Variants in KCNQ1 observed in about 807,000 individuals in gnomAD.
The protein encoded by KCNQ1 is potassium voltage-gated channel subfamily KQT member 1.
A neutral mutation model predicts 72.4 loss-of-function variants in KCNQ1; 49 were observed. That is an observed-to-expected ratio of 0.68 (90% CI 0.54 to 0.86). KCNQ1 has a LOEUF of 0.86. Ranked by LOEUF, KCNQ1 falls within the 40% of genes least tolerant of loss-of-function variation. The probability of loss-of-function intolerance (pLI) is 0.00; values close to 1 mark genes in which losing one functional copy is unlikely to be tolerated. For missense variants in KCNQ1, 790 were observed against 945.1 expected, an observed-to-expected ratio of 0.84 and a Z score of 2.15; for synonymous variants, 450 against 412.6, an observed-to-expected ratio of 1.09 and a Z score of -1.10.
At chr11:2,512,205 G>A (rs1363511327) in intron 1 of KCNQ1, among the ~76,000 whole-genome samples, 1 of 152,218 alleles carries the variant, frequency 6.6e-6, no homozygotes, top group Non-Finnish European at 1.5e-5. Context: ...CCCAGCCGGT[G>A]ACAATGAGAA....
rs1047102307 is a variant in KCNQ1 at position 2,645,595 on chromosome 11, G to A, written c.1394-16366G>A. ...CAGGCAGTTGGGCAATGCATGCTTC[G>A]GCCCCAGGTGGTGACTATGGGCAGG... is the stretch of plus-strand genomic sequence containing the variant. On this transcript the variant is annotated intron_variant, in intron 10 of 15. Transcript: ENST00000155840. The surrounding 1 kb of genome is among the most constrained non-coding windows in gnomAD (Gnocchi z 5.8). 1.4e-4 allele frequency: 56 copies of A among 398,674 alleles called. No individual in the cohort carries two copies. Among genetic ancestry groups the A allele is most frequent in the African/African-American group, 1.0e-3 (50 of 48,732 alleles). The allele number at this position is 398,674 out of a possible 1,614,324, so 24.7% of individuals were successfully genotyped here. A position where few individuals can be genotyped will look rare whatever the true frequency, so the allele number is the denominator to read the frequency against.
chr11:2,657,619 C>T lies in KCNQ1; in HGVS notation c.1394-4342C>T, dbSNP rs1395043918. 4 of 398,462 alleles carry T rather than the reference C, an allele frequency of 1.0e-5. No individual in the cohort carries two copies. The highest frequency in any genetic ancestry group is 1.8e-5 in the Non-Finnish European group (4 of 226,056). The allele number at this position is 398,462 out of a possible 1,614,324, so 24.7% of individuals were successfully genotyped here. A position where few individuals can be genotyped will look rare whatever the true frequency, so the allele number is the denominator to read the frequency against. ...CAAAACTAAAAAATTAACATTGGTA[C>T]ACTATTAAGCTAGAGTTATAAATTT... On this transcript the variant is annotated intron_variant, in intron 10 of 15. Coordinates refer to ENST00000155840, the MANE Select transcript of KCNQ1 (RefSeq NM_000218.3). This position sits in a 1 kb window ranked among gnomAD's most constrained non-coding sequence, Gnocchi z 4.8.
At chr11:2,689,748 T>C in intron 11 of KCNQ1, 1 of 398,658 alleles carries the variant, frequency 2.5e-6, no homozygotes, top group East Asian at 3.6e-5. Flanking sequence ...CTCATTTGTT[T>C]ACAGGAGACT....
intron 11 of KCNQ1, among the ~76,000 whole-genome samples, chr11:2,709,147 G>T (rs1446280443): frequency 1.3e-5 from 2 of 152,096 alleles, no homozygotes; most frequent in South Asian, 2.1e-4. Context: ...GTGGCACGGG[G>T]TCTGTTTAGC....
chr11:2,654,611 T>A lies in KCNQ1; in HGVS notation c.1394-7350T>A. ...GCAGGGGGTGAGTGGTTGGGTGAAG[T>A]TACTAGGAAGGGCCCAGACACTGGC... On this transcript the variant is annotated intron_variant, in intron 10 of 15. Coordinates refer to ENST00000155840, the MANE Select transcript of KCNQ1 (RefSeq NM_000218.3). The surrounding 1 kb of genome is among the most constrained non-coding windows in gnomAD (Gnocchi z 6.4). The A allele has an allele frequency of 2.5e-6, 1 of 398,572 alleles. No individual in the cohort carries two copies. The highest frequency in any genetic ancestry group is 4.4e-6 in the Non-Finnish European group (1 of 226,190). The allele number at this position is 398,572 out of a possible 1,614,324, so 24.7% of individuals were successfully genotyped here.
chr11:2,696,180 C>G (rs1850672965), intron 11 of KCNQ1: 2 of 398,420 alleles, frequency 5.0e-6, no homozygotes, highest in African/African-American at 2.1e-5. Context: ...GTTTAAGAAC[C>G]CCACGGCCAC....
chr11:2,662,136 A>G, intron 11 of KCNQ1, 55 bp downstream of exon 11: 1 of 1,611,110 alleles, frequency 6.2e-7, no homozygotes, highest in Non-Finnish European at 8.5e-7. Flanking sequence ...GAGCTCAAGG[A>G]GTCAGACTTG....
chr11:2,673,716 C>T lies in KCNQ1; in HGVS notation c.1514+11635C>T, dbSNP rs1236074952. The T allele has an allele frequency of 2.5e-6, 1 of 398,574 alleles. No individual in the cohort carries two copies. The allele number at this position is 398,574 out of a possible 1,614,324, so 24.7% of individuals were successfully genotyped here. A position where few individuals can be genotyped will look rare whatever the true frequency, so the allele number is the denominator to read the frequency against. Reference sequence around the variant, plus strand: ...TTCCTGAGGTTGCTGAATCTCAGGGCTTGGAAGGCCCAGACTGGACAGGGG... The same window carrying T: ...TTCCTGAGGTTGCTGAATCTCAGGGTTTGGAAGGCCCAGACTGGACAGGGG... On this transcript the variant is annotated intron_variant, in intron 11 of 15. Transcript: ENST00000155840. This position sits in a 1 kb window ranked among gnomAD's most constrained non-coding sequence, Gnocchi z 4.5.
intron 11 of KCNQ1, chr11:2,680,011 A>T: frequency 2.5e-6 from 1 of 396,692 alleles, no homozygotes; most frequent in Non-Finnish European, 4.4e-6. Flanking sequence ...CTCCTGCCTT[A>T]GCCTCCCTAG....
chr11:2,845,297 C>T (rs1007791075), intron 15 of KCNQ1, among the ~76,000 whole-genome samples: 2 of 152,116 alleles, frequency 1.3e-5, no homozygotes, highest in Non-Finnish European at 2.9e-5. Context: ...CGAGATGGAG[C>T]CTTGGGGTGG....
rs1220466342 is a variant in KCNQ1, at chr11:2,827,649, C to T, written c.1795-20118C>T. 2.8e-3 allele frequency among the ~76,000 whole-genome samples: 38 copies of T among 13,604 alleles called. No homozygotes were observed. The highest frequency in any genetic ancestry group is 5.3e-3 in the South Asian group (2 of 374). 8.9% of individuals were successfully genotyped at this position (13,604 alleles called of 152,430 possible). A position where few individuals can be genotyped will look rare whatever the true frequency, so the allele number is the denominator to read the frequency against. On this transcript the variant is annotated intron_variant, in intron 15 of 15. Coordinates refer to ENST00000155840, the MANE Select transcript of KCNQ1 (RefSeq NM_000218.3). This position sits in a 1 kb window ranked among gnomAD's most constrained non-coding sequence, Gnocchi z 6.7. ...AAAAAAAAAAGTGGGGTCGGGGGGG[C>T]GGGGGAGAGCGGCTATGGAGACAAG...
In KCNQ1 at chr11:2,657,350, A is replaced by T; in HGVS notation, c.1394-4611A>T. ...GTCTTCTAGTCATTGGAATGAAGGC[A>T]TATTTCTCCATTTATATCTTCTTCA... On this transcript the variant is annotated intron_variant, in intron 10 of 15. Transcript: ENST00000155840. The surrounding 1 kb of genome is among the most constrained non-coding windows in gnomAD (Gnocchi z 4.8). The T allele has an allele frequency of 2.5e-6, 1 of 398,618 alleles. No homozygotes were observed. The highest frequency in any genetic ancestry group is 4.4e-6 in the Non-Finnish European group (1 of 226,070). The allele number at this position is 398,618 out of a possible 1,614,324, so 24.7% of individuals were successfully genotyped here.
chr11:2,599,923 G>A lies in KCNQ1; in HGVS notation c.1393+11069G>A, dbSNP rs2133775178. On this transcript the variant is annotated intron_variant, in intron 10 of 15. Transcript: ENST00000155840. The surrounding 1 kb of genome is among the most constrained non-coding windows in gnomAD (Gnocchi z 4.7). ...GACCAGGGCTTCAACTGCAAACCTT[G>A]TGGGACACAATTCAGCCCGTGACAC... 6.6e-6 allele frequency among the ~76,000 whole-genome samples: 1 copy of A among 152,368 alleles called. No homozygotes were observed. The highest frequency in any genetic ancestry group is 6.5e-5 in the Admixed American group (1 of 15,306).
intron 10 of KCNQ1, chr11:2,625,635 G>A: frequency 5.1e-6 from 2 of 394,202 alleles, no homozygotes; most frequent in Non-Finnish European, 8.9e-6. Context: ...GAGTGCAGTG[G>A]TGCCATCTCG....
chr11:2,695,789 T>C lies in KCNQ1; in HGVS notation c.1514+33708T>C. The C allele has an allele frequency of 2.5e-6, 1 of 398,652 alleles. No individual in the cohort carries two copies. The highest frequency in any genetic ancestry group is 4.4e-6 in the Non-Finnish European group (1 of 226,068). The allele number at this position is 398,652 out of a possible 1,614,324, so 24.7% of individuals were successfully genotyped here. On this transcript the variant is annotated intron_variant, in intron 11 of 15. Transcript: ENST00000155840. This position sits in a 1 kb window ranked among gnomAD's most constrained non-coding sequence, Gnocchi z 5.2. ...GCCTTATCCTACTTTCTAATGCTTC[T>C]CCTATGAAGAATAGCTGTTGCTTTC...
Position 2,834,931 on chromosome 11 carries a change from G to A in KCNQ1, c.1795-12836G>A, listed in dbSNP as rs1215854577. On this transcript the variant is annotated intron_variant, in intron 15 of 15. Coordinates refer to ENST00000155840, the MANE Select transcript of KCNQ1 (RefSeq NM_000218.3). The stretch of plus-strand genomic sequence containing the variant: ...GGGCTGGATTCCAGATTCCAAGCCT[G>A]GCCGCCCAGCCCCTATCTGGGACCC... 2.0e-5 allele frequency among the ~76,000 whole-genome samples: 3 copies of A among 152,344 alleles called. No individual in the cohort carries two copies. The East Asian group carries it at 5.8e-4, about 29-fold the overall frequency.
intron 15 of KCNQ1, among the ~76,000 whole-genome samples, chr11:2,838,174 GCAGA>G (rs1317527494): frequency 6.6e-6 from 1 of 152,270 alleles, no homozygotes; most frequent in African/African-American, 2.4e-5. Flanking sequence ...TAGGGACCAG[GCAGA>G]CAGAGGTGGG....
At chr11:2,466,073 G>A (rs538369833) in intron 1 of KCNQ1, among the ~76,000 whole-genome samples, 9 of 152,338 alleles carry the variant, frequency 5.9e-5, no homozygotes, top group South Asian at 2.1e-4. Flanking sequence ...TGTCCTAGCC[G>A]GGACCTGCCC....
At position 2,816,494 on chromosome 11, in the gene KCNQ1, G is replaced by A. The variant is rs553654274; in HGVS notation, c.1795-31273G>A. On this transcript the variant is annotated intron_variant, in intron 15 of 15. Transcript: ENST00000155840. The surrounding 1 kb of genome is among the most constrained non-coding windows in gnomAD (Gnocchi z 6.8). ...ACTGAGAATGGCTTCTGGGTTGTGC[G>A]TCATCGCTGTCCAGGAGTGGTGAAA... is the stretch of plus-strand genomic sequence containing the variant. 1.5e-3 allele frequency among the ~76,000 whole-genome samples: 232 copies of A among 152,296 alleles called. 1 individual carries two copies. The highest frequency in any genetic ancestry group is 0.01 in the Middle Eastern group (3 of 292).
Sources: gnomAD v4.1 joint callset for allele counts (sites outside exome capture counted in the v4.1 genomes callset) on GRCh38, gnomAD v4.1.1 for gene constraint, Gnocchi (gnomAD v3.1) non-coding constraint, MANE v1.5 for transcripts, NCBI Gene and HGNC (gene_info 2026-07-23, HGNC 2026-07-21) for gene names.